The following VPS41 variants were observed in gnomAD, a reference collection of about 807,000 sequenced individuals.
VPS41 encodes the protein VPS41 subunit of HOPS complex, also known as vacuolar protein sorting-associated protein 41 homolog.
In VPS41, 85 loss-of-function variants were observed where a neutral mutation model predicts 130.9. The ratio of observed to expected loss-of-function variants is 0.65; its 90% confidence interval spans 0.55 to 0.78. The LOEUF (loss-of-function observed/expected upper bound fraction) is 0.78. Among genes scored for constraint, VPS41 ranks in the 30% least tolerant of loss-of-function variants. The pLI, the probability that VPS41 is intolerant of heterozygous loss-of-function variation, is 0.00. For missense variants in VPS41, 874 were observed against 1,018.7 expected (o/e 0.86, Z 1.93); for synonymous variants, 335 against 332.9 (o/e 1.01, Z -0.07).
At chr7:38,790,499 G>C (rs1036956770) in intron 9 of VPS41, among the ~76,000 whole-genome samples, 1 of 146,460 alleles carries the variant, frequency 6.8e-6, no homozygotes, top group African/African-American at 2.5e-5. Context: ...AAATATTCAG[G>C]AAAAAAAAAA....
At position 38,778,337 on chromosome 7, in the gene VPS41, A is replaced by G. The variant is rs896662526; in HGVS notation, c.785-1561T>C. ...CCACCTCAACCTCCACCACATGTGCAGAGACAGTGTTTCTAGCGTAACCAG... is the reference window on the plus strand; with the variant it reads ...CCACCTCAACCTCCACCACATGTGCGGAGACAGTGTTTCTAGCGTAACCAG... On this transcript the variant is annotated intron_variant, in intron 10 of 28. Transcript: ENST00000310301. Among the ~76,000 whole-genome samples the G allele has an allele frequency of 5.9e-5, 9 of 152,218 alleles. No individual in the cohort carries two copies. In the East Asian group the frequency reaches 1.7e-3, roughly 29 times the overall value.
intron 7 of VPS41, among the ~76,000 whole-genome samples, chr7:38,802,342 G>A (rs1313301296): frequency 2.0e-5 from 3 of 152,034 alleles, no homozygotes; most frequent in African/African-American, 4.8e-5. Context: ...GCCTGGCCCC[G>A]TCGAACATTT....
At chr7:38,795,095 G>A (rs1784594890) in intron 9 of VPS41, among the ~76,000 whole-genome samples, 1 of 151,888 alleles carries the variant, frequency 6.6e-6, no homozygotes, top group Non-Finnish European at 1.5e-5. Context: ...AGAAGTGAAG[G>A]GTCAAAGCTA....
intron 1 of VPS41, among the ~76,000 whole-genome samples, chr7:38,908,860 C>A (rs573397370): frequency 6.6e-6 from 1 of 152,364 alleles, no homozygotes; most frequent in South Asian, 2.1e-4. Context: ...CTGAGGTAGC[C>A]GGGCCTGCCT....
chr7:38,838,240 A>C (rs1465971361), intron 4 of VPS41, among the ~76,000 whole-genome samples: 2 of 149,362 alleles, frequency 1.3e-5, no homozygotes, highest in African/African-American at 2.5e-5. Context: ...AAAAACAAAC[A>C]AAAAAAAAAT....
At chr7:38,733,996 G>C (rs1005629000) in intron 25 of VPS41, among the ~76,000 whole-genome samples, 1 of 152,136 alleles carries the variant, frequency 6.6e-6, no homozygotes, top group Non-Finnish European at 1.5e-5. Context: ...TGAAGTGAAA[G>C]GATCACTTGA....
At chr7:38,767,455 T>A in intron 15 of VPS41, 82 bp downstream of exon 15, 2 of 869,990 alleles carry the variant, frequency 2.3e-6, no homozygotes, top group Middle Eastern at 4.7e-4. Flanking sequence ...AAATGTCAAC[T>A]GCAAAGAATG....
intron 9 of VPS41, among the ~76,000 whole-genome samples, chr7:38,795,135 G>A (rs924141478): frequency 6.6e-6 from 1 of 151,370 alleles, no homozygotes; most frequent in Non-Finnish European, 1.5e-5. Flanking sequence ...ATAAAGAGAA[G>A]AAAACCTGAC....
intron 7 of VPS41, among the ~76,000 whole-genome samples, chr7:38,816,824 C>T (rs574545138): frequency 6.6e-6 from 1 of 152,174 alleles, no homozygotes; most frequent in Non-Finnish European, 1.5e-5. Context: ...TAGCTCACTG[C>T]AACCTCAAAC....
At chr7:38,731,187 T>G (rs1350879641) in intron 25 of VPS41, among the ~76,000 whole-genome samples, 2 of 152,248 alleles carry the variant, frequency 1.3e-5, no homozygotes, top group African/African-American at 4.8e-5. Flanking sequence ...GAGACTATCC[T>G]CTATAGAATG....
At chr7:38,753,273 CTGA>C (rs1260612726) in intron 21 of VPS41, among the ~76,000 whole-genome samples, 1 of 152,116 alleles carries the variant, frequency 6.6e-6, no homozygotes, top group Non-Finnish European at 1.5e-5. Context: ...TGTAAATGCG[CTGA>C]TGTTTGTTAT....
chr7:38,733,558 G>C (rs941943879), intron 25 of VPS41, among the ~76,000 whole-genome samples: 5 of 152,168 alleles, frequency 3.3e-5, no homozygotes, highest in African/African-American at 1.2e-4. Context: ...TCCAAAGTAT[G>C]TCTAACTGGC....
intron 13 of VPS41, among the ~76,000 whole-genome samples, chr7:38,772,186 C>T (rs956933138): frequency 2.6e-5 from 4 of 151,974 alleles, no homozygotes; most frequent in South Asian, 2.1e-4. Flanking sequence ...ATAAAATAAA[C>T]GATTTCATTA....
At chr7:38,857,258 C>T (rs1033100731) in intron 4 of VPS41, among the ~76,000 whole-genome samples, 5 of 152,186 alleles carry the variant, frequency 3.3e-5, no homozygotes, top group Non-Finnish European at 5.9e-5. Context: ...ACAAAATGGC[C>T]ACTAAGCTCC....
intron 5 of VPS41, among the ~76,000 whole-genome samples, chr7:38,823,317 G>A (rs1019328008): frequency 2.6e-5 from 4 of 152,204 alleles, no homozygotes; most frequent in South Asian, 2.1e-4. Context: ...ATAACAAGGC[G>A]CCATCTTGGA....
chr7:38,755,355 A>G (rs192443812), intron 19 of VPS41, among the ~76,000 whole-genome samples: 21 of 152,188 alleles, frequency 1.4e-4, no homozygotes, highest in African/African-American at 4.6e-4. Flanking sequence ...TAGTCTCCCT[A>G]TGAGACTCCA....
At chr7:38,757,108 C>A (rs965333628) in intron 18 of VPS41, 126 bp from the exon 19 acceptor site, 14 of 723,492 alleles carry the variant, frequency 1.9e-5, no homozygotes, top group Middle Eastern at 2.6e-4. Flanking sequence ...AACTTTATTT[C>A]AAAAAATATT....
chr7:38,835,200 T>C lies in VPS41; in HGVS notation c.247-4872A>G, dbSNP rs368576216. ...GTGTTTATCAGCTGTACTAGCCTCT[T>C]TGCAGAAACTCAACAATTCACTTTA... On this transcript the variant is annotated intron_variant, in intron 4 of 28. Coordinates refer to ENST00000310301, the MANE Select transcript of VPS41 (RefSeq NM_014396.4). Among the ~76,000 whole-genome samples the C allele has an allele frequency of 6.1e-4, 93 of 152,114 alleles. No individual in the cohort carries two copies. The South Asian group carries it at 0.019, about 31-fold the overall frequency.
At chr7:38,754,422 T>A (rs942203676) in intron 21 of VPS41, among the ~76,000 whole-genome samples, 1 of 152,154 alleles carries the variant, frequency 6.6e-6, no homozygotes, top group African/African-American at 2.4e-5. Flanking sequence ...TACATATATT[T>A]ATATTATAGT....
Sources: allele counts gnomAD v4.1 joint callset (sites outside exome capture counted in the v4.1 genomes callset), GRCh38; gene constraint gnomAD v4.1.1; transcripts MANE v1.5; gene names NCBI Gene and HGNC (gene_info 2026-07-23, HGNC 2026-07-21).